The following SPINT2 variants were observed in gnomAD, a reference collection of about 807,000 sequenced individuals.
SPINT2 encodes the protein serine peptidase inhibitor, Kunitz type 2, also known as kunitz-type protease inhibitor 2.
SPINT2 carries 18 observed loss-of-function variants against 30.1 expected under a neutral mutation model. The ratio of observed to expected loss-of-function variants is 0.60; its 90% CI spans 0.41 to 0.89. The LOEUF (loss-of-function observed/expected upper bound fraction) is 0.89. SPINT2 is among the 40% of genes least tolerant of loss of function. The pLI is 0.00. For missense variants in SPINT2, 276 were observed against 334.3 expected, an observed-to-expected ratio of 0.83 and a Z score of 1.36; for synonymous variants, 139 against 137.9, an observed-to-expected ratio of 1.01 and a Z score of -0.05.
intron 1 of SPINT2, 72 bp downstream of exon 1, chr19:38,265,070 C>T: frequency 8.4e-7 from 1 of 1,193,254 alleles, no homozygotes; most frequent in Non-Finnish European, 1.1e-6. Flanking sequence ...GGGGTCTGAG[C>T]AGGGAGAACT....
chr19:38,292,137 G>T lies in SPINT2; in HGVS notation c.*131G>T. On this transcript the variant is annotated 3_prime_UTR_variant, in exon 7 of 7. Transcript: ENST00000301244. ...TGTTTCTCTGGGAGGTAGGACGGCT[G>T]CTTCCTGGTCTGGCAGGGATGGGTT... The T allele has an allele frequency of 7.6e-7, 1 of 1,316,122 alleles. No individual in the cohort carries two copies. The allele number at this position is 1,316,122 out of a possible 1,614,324, so 81.5% of individuals were successfully genotyped here.
At chr19:38,267,774 G>C (rs992322969) in intron 1 of SPINT2, among the ~76,000 whole-genome samples, 7 of 152,128 alleles carry the variant, frequency 4.6e-5, no homozygotes. Flanking sequence ...GGCAGGCCCG[G>C]AGCTAAAGTT....
At chr19:38,265,052 G>T in intron 1 of SPINT2, 54 bp downstream of exon 1, 1 of 1,416,954 alleles carries the variant, frequency 7.1e-7, no homozygotes, top group South Asian at 1.3e-5. Context: ...GAGGCTCGGG[G>T]GTCAACGGGG....
At chr19:38,267,306 T>C (rs1968391208) in intron 1 of SPINT2, among the ~76,000 whole-genome samples, 2 of 152,232 alleles carry the variant, frequency 1.3e-5, no homozygotes, top group Non-Finnish European at 2.9e-5. Flanking sequence ...TGATTGCTTC[T>C]GTTTTCTCCG....
chr19:38,283,998 C>G (rs941990234), intron 2 of SPINT2, among the ~76,000 whole-genome samples: 3 of 151,920 alleles, frequency 2.0e-5, no homozygotes, highest in Non-Finnish European at 2.9e-5. Context: ...CCCACCATCA[C>G]GCCCAACTAA....
intron 1 of SPINT2, among the ~76,000 whole-genome samples, chr19:38,269,674 G>T (rs570278104): frequency 4.4e-4 from 65 of 147,632 alleles, no homozygotes; most frequent in African/African-American, 1.6e-3. Flanking sequence ...GCAGTGGCGC[G>T]TTCTCGGCTC....
chr19:38,270,318 G>T (rs1968438805), intron 1 of SPINT2, among the ~76,000 whole-genome samples: 1 of 152,180 alleles, frequency 6.6e-6, no homozygotes, highest in Non-Finnish European at 1.5e-5. Context: ...TGTCCTACTT[G>T]CAGGCAAGGC....
At chr19:38,287,488 C>T (rs914965079) in intron 2 of SPINT2, among the ~76,000 whole-genome samples, 4 of 152,196 alleles carry the variant, frequency 2.6e-5, no homozygotes, top group South Asian at 2.1e-4. Flanking sequence ...TAAGCCACCG[C>T]ACCCGGCCCT....
chr19:38,290,141 C>T lies in SPINT2; in HGVS notation c.414C>T (p.Val138=), dbSNP rs754329616. Residue 138 remains valine (V), a synonymous_variant, in exon 5 of 7, where the codon GTC becomes GTT. Transcript: ENST00000301244. The surrounding 1 kb of genome is among the most constrained non-coding windows in gnomAD (Gnocchi z 4.3). The stretch of plus-strand genomic sequence containing the variant: ...TAGAATACTGCACCGCCAACGCAGT[C>T]ACTGGGCCTTGCCGTGCATCCTTCC... ...NYEEYCTANA[V]TGPCRASFPR... 1.2e-6 allele frequency: 2 copies of T among 1,612,468 alleles called. No individual in the cohort carries two copies. Among genetic ancestry groups the T allele is most frequent in the Non-Finnish European group, 1.7e-6 (2 of 1,180,046 alleles).
rs1968353238 is a variant in SPINT2, at chr19:38,264,607, GTGTA to G, written c.-285_-282del. On this transcript the variant is annotated 5_prime_UTR_variant, in exon 1 of 7. Transcript: ENST00000301244. ...TCTGGCGACCTCCGCGCGTTGGGAG[GTGTA>G]GCGCGGCTCTGAACGCGCTGAGGGC... 2.4e-6 allele frequency: 1 copy of G among 421,550 alleles called. No homozygotes were observed. Among genetic ancestry groups the G allele is most frequent in the Admixed American group, 4.1e-5 (1 of 24,374 alleles). The allele number at this position is 421,550 out of a possible 1,614,324, so 26.1% of individuals were successfully genotyped here.
Position 38,292,112 on chromosome 19 carries a change from TG to T in SPINT2, c.*107del. 1 of 1,481,850 alleles carries T rather than the reference TG, an allele frequency of 6.7e-7. No individual in the cohort carries two copies. Among genetic ancestry groups the T allele is most frequent in the Non-Finnish European group, 9.1e-7 (1 of 1,093,894 alleles). The allele number at this position is 1,481,850 out of a possible 1,614,324, so 91.8% of individuals were successfully genotyped here. ...TTGAGTGATCATTAGGGCTGAGGTCTGTTTCTCTGGGAGGTAGGACGGCTGC... is the reference window on the plus strand; with the variant it reads ...TTGAGTGATCATTAGGGCTGAGGTCTTTTCTCTGGGAGGTAGGACGGCTGC... On this transcript the variant is annotated 3_prime_UTR_variant, in exon 7 of 7. Coordinates refer to ENST00000301244, the MANE Select transcript of SPINT2 (RefSeq NM_021102.4).
intron 1 of SPINT2, among the ~76,000 whole-genome samples, chr19:38,282,129 A>G (rs1968587612): frequency 2.0e-5 from 3 of 152,060 alleles, no homozygotes; most frequent in South Asian, 2.1e-4. Context: ...CAGAGTAGCA[A>G]CCTTTTTTGT....
chr19:38,264,711 C>T lies in SPINT2; in HGVS notation c.-182C>T. 1 of 615,770 alleles carries T rather than the reference C, an allele frequency of 1.6e-6. No homozygotes were observed. Among genetic ancestry groups the T allele is most frequent in the South Asian group, 2.0e-5 (1 of 51,088 alleles). The allele number at this position is 615,770 out of a possible 1,614,324, so 38.1% of individuals were successfully genotyped here. On this transcript the variant is annotated 5_prime_UTR_variant, in exon 1 of 7. Coordinates refer to ENST00000301244, the MANE Select transcript of SPINT2 (RefSeq NM_021102.4). The stretch of plus-strand genomic sequence containing the variant: ...ATCGCGCGCCGAGAAGGCCGGGCGT[C>T]CCCACACTGAAGGTCCGGAAAGGCG...
chr19:38,264,708 C>A lies in SPINT2; in HGVS notation c.-185C>A, dbSNP rs907618249. The A allele has an allele frequency of 1.5e-5, 9 of 605,458 alleles. No individual in the cohort carries two copies. Among genetic ancestry groups the A allele is most frequent in the African/African-American group, 3.9e-5 (2 of 51,730 alleles). 37.5% of individuals were successfully genotyped at this position (605,458 alleles called of 1,614,324 possible). A position where few individuals can be genotyped will look rare whatever the true frequency, so the allele number is the denominator to read the frequency against. On this transcript the variant is annotated 5_prime_UTR_variant, in exon 1 of 7. Transcript: ENST00000301244. ...GGCATCGCGCGCCGAGAAGGCCGGG[C>A]GTCCCCACACTGAAGGTCCGGAAAG...
intron 1 of SPINT2, among the ~76,000 whole-genome samples, chr19:38,270,837 G>A (rs1384859494): frequency 6.6e-6 from 1 of 152,228 alleles, no homozygotes; most frequent in South Asian, 2.1e-4. Flanking sequence ...TGAATAAGGG[G>A]TGATAAGCCT....
At chr19:38,287,601 A>G (rs1968657870) in intron 2 of SPINT2, among the ~76,000 whole-genome samples, 1 of 152,230 alleles carries the variant, frequency 6.6e-6, no homozygotes, top group Non-Finnish European at 1.5e-5. Flanking sequence ...TACTGGAATT[A>G]CAGCCATGAG....
chr19:38,284,116 C>T (rs1248371033), intron 2 of SPINT2, among the ~76,000 whole-genome samples: 3 of 152,104 alleles, frequency 2.0e-5, no homozygotes, highest in Non-Finnish European at 4.4e-5. Flanking sequence ...GCTGGGATTA[C>T]AGGCATGAGC....
At chr19:38,287,779 G>A in intron 2 of SPINT2, 97 bp from the exon 3 acceptor site, 1 of 1,301,800 alleles carries the variant, frequency 7.7e-7, no homozygotes, top group Non-Finnish European at 1.1e-6. Context: ...AGGAGAAGTG[G>A]ATGCTGTGGT....
At chr19:38,283,884 C>T (rs566523056) in intron 2 of SPINT2, 87 bp downstream of exon 2, 11 of 1,437,292 alleles carry the variant, frequency 7.7e-6, no homozygotes, top group East Asian at 2.5e-5. Flanking sequence ...CTCTGTCGCC[C>T]AGGCTGGAGT....
Sources: gnomAD v4.1 joint callset for allele counts (sites outside exome capture counted in the v4.1 genomes callset) on GRCh38, gnomAD v4.1.1 for gene constraint, Gnocchi (gnomAD v3.1) non-coding constraint, MANE v1.5 for transcripts, NCBI Gene and HGNC (gene_info 2026-07-23, HGNC 2026-07-21) for gene names.